The following PLXDC2 variants were observed in gnomAD, a reference collection of about 807,000 sequenced individuals.
PLXDC2 encodes plexin domain containing 2.
In PLXDC2, 40 loss-of-function variants were observed where a neutral mutation model predicts 68.9. The observed-to-expected ratio is 0.58, with a 90% CI of 0.45 to 0.76. PLXDC2 has a LOEUF of 0.76. Ranked by LOEUF, PLXDC2 falls within the 30% of genes least tolerant of loss-of-function variation. The probability of loss-of-function intolerance (pLI) is 0.00; values close to 1 mark genes in which losing one functional copy is unlikely to be tolerated. For synonymous variants in PLXDC2, 243 were observed against 234.2 expected (o/e 1.04, Z -0.34); for missense variants, 644 against 661.9 (o/e 0.97, Z 0.30).
chr10:20,030,783 G>T (rs1835490009), intron 2 of PLXDC2, among the ~76,000 whole-genome samples: 1 of 152,140 alleles, frequency 6.6e-6, no homozygotes, highest in Non-Finnish European at 1.5e-5. Context: ...ATAAAAAGGT[G>T]TGGGTTTCTG....
chr10:20,107,011 G>T (rs981360390), intron 4 of PLXDC2, among the ~76,000 whole-genome samples: 1 of 148,506 alleles, frequency 6.7e-6, no homozygotes, highest in East Asian at 2.0e-4. Flanking sequence ...GACATGTAGT[G>T]TATACATATA....
intron 1 of PLXDC2, among the ~76,000 whole-genome samples, chr10:19,831,535 G>A (rs925588151): frequency 1.3e-5 from 2 of 152,030 alleles, no homozygotes; most frequent in Non-Finnish European, 2.9e-5. Context: ...TGTCACCCAG[G>A]TAGTAAGCTT....
chr10:20,023,022 C>A lies in PLXDC2; in HGVS notation c.324+21036C>A, dbSNP rs11011742. On this transcript the variant is annotated intron_variant, in intron 2 of 13. Coordinates refer to ENST00000377252, the MANE Select transcript of PLXDC2 (RefSeq NM_032812.9). ...CACTGGAGCCTGGATATTATTATAA[C>A]CCTCCCCCCGCAAAAAAAGGCTCTT... Among the ~76,000 whole-genome samples the A allele has an allele frequency of 5.7e-3, 853 of 150,746 alleles. 4 individuals carry two copies. Among genetic ancestry groups the A allele is most frequent in the African/African-American group, 0.02 (809 of 41,180 alleles).
chr10:20,025,827 T>A (rs1229551183), intron 2 of PLXDC2, among the ~76,000 whole-genome samples: 1 of 152,064 alleles, frequency 6.6e-6, no homozygotes, highest in African/African-American at 2.4e-5. Context: ...TTTTTTCACT[T>A]GTTTTCCCCT....
At chr10:20,266,622 G>A (rs888000863) in intron 13 of PLXDC2, among the ~76,000 whole-genome samples, 3 of 152,022 alleles carry the variant, frequency 2.0e-5, no homozygotes, top group Non-Finnish European at 2.9e-5. Flanking sequence ...GTAAATAACC[G>A]GAGATTAGGA....
intron 3 of PLXDC2, among the ~76,000 whole-genome samples, chr10:20,056,893 A>T (rs2131694759): frequency 6.6e-6 from 1 of 152,304 alleles, no homozygotes; most frequent in Admixed American, 6.5e-5. Context: ...TAAAGGCACG[A>T]GTGAGGCAAA....
chr10:20,024,008 G>T (rs1835356132), intron 2 of PLXDC2, among the ~76,000 whole-genome samples: 1 of 151,930 alleles, frequency 6.6e-6, no homozygotes, highest in Non-Finnish European at 1.5e-5. Context: ...TCAATATATT[G>T]ATTGATCTTA....
intron 4 of PLXDC2, among the ~76,000 whole-genome samples, chr10:20,118,415 G>A (rs532100907): frequency 3.9e-5 from 6 of 152,056 alleles, no homozygotes; most frequent in Non-Finnish European, 8.8e-5. Flanking sequence ...ACTGCAATCG[G>A]GGACAGATTA....
At chr10:20,164,790 G>A (rs1834352101) in intron 7 of PLXDC2, among the ~76,000 whole-genome samples, 2 of 152,146 alleles carry the variant, frequency 1.3e-5, no homozygotes, top group Non-Finnish European at 2.9e-5. Flanking sequence ...AGCCAAAAAT[G>A]TGTAATTTTG....
chr10:20,084,961 C>T (rs950573020), intron 4 of PLXDC2, among the ~76,000 whole-genome samples: 1 of 151,828 alleles, frequency 6.6e-6, no homozygotes, highest in African/African-American at 2.4e-5. Flanking sequence ...AATATGATCT[C>T]AGTGGCATCT....
At chr10:19,973,140 A>G (rs1257519846) in intron 1 of PLXDC2, among the ~76,000 whole-genome samples, 3 of 151,498 alleles carry the variant, frequency 2.0e-5, no homozygotes, top group South Asian at 2.1e-4. Context: ...AGCTGTGCCT[A>G]TGGTTAATTT....
intron 11 of PLXDC2, 142 bp from the exon 12 acceptor site, chr10:20,218,922 G>A: frequency 4.7e-6 from 4 of 850,364 alleles, no homozygotes; most frequent in Non-Finnish European, 7.1e-6. Context: ...TGCTCTCATT[G>A]CACTAGAAAT....
chr10:20,143,235 T>A, intron 4 of PLXDC2, 60 bp from the exon 5 acceptor site: 2 of 1,521,240 alleles, frequency 1.3e-6, no homozygotes, highest in Non-Finnish European at 8.9e-7. Flanking sequence ...GGAAGTATTT[T>A]AATCATAATT....
At chr10:20,012,175 G>C (rs1051931709) in intron 2 of PLXDC2, among the ~76,000 whole-genome samples, 4 of 151,828 alleles carry the variant, frequency 2.6e-5, no homozygotes, top group Non-Finnish European at 5.9e-5. Context: ...ATGAAAAGTT[G>C]TGTTTCTATT....
At position 19,947,212 on chromosome 10, in the gene PLXDC2, A is replaced by G. The variant is rs149849613; in HGVS notation, c.113-54563A>G. Among the ~76,000 whole-genome samples the G allele has an allele frequency of 1.2e-4, 19 of 152,316 alleles. No individual in the cohort carries two copies. In the East Asian group the frequency reaches 3.7e-3, roughly 29 times the overall value. ...AGAGCCTGTAGAAAAATGCAGCCCTATGGAAACTTTGATTTTATTTCAGTG... is the reference window on the plus strand; with the variant it reads ...AGAGCCTGTAGAAAAATGCAGCCCTGTGGAAACTTTGATTTTATTTCAGTG... On this transcript the variant is annotated intron_variant, in intron 1 of 13. Coordinates refer to ENST00000377252, the MANE Select transcript of PLXDC2 (RefSeq NM_032812.9).
chr10:20,056,111 T>G (rs78608795), intron 3 of PLXDC2, among the ~76,000 whole-genome samples: 5,852 of 152,274 alleles, frequency 0.038, 155 homozygotes, highest in South Asian at 0.067. Context: ...CTATGTAGTT[T>G]TGATAGTGAT....
At chr10:20,229,946 T>C (rs971078449) in intron 12 of PLXDC2, among the ~76,000 whole-genome samples, 1 of 152,068 alleles carries the variant, frequency 6.6e-6, no homozygotes, top group Non-Finnish European at 1.5e-5. Context: ...TGCAAAAACA[T>C]ACAGCTCAAA....
chr10:20,116,071 A>G (rs1833617046), intron 4 of PLXDC2, among the ~76,000 whole-genome samples: 1 of 152,210 alleles, frequency 6.6e-6, no homozygotes, highest in Non-Finnish European at 1.5e-5. Context: ...ATGTGGATTC[A>G]CGCTGCTCCT....
At chr10:20,103,159 A>G (rs566135116) in intron 4 of PLXDC2, among the ~76,000 whole-genome samples, 5 of 152,220 alleles carry the variant, frequency 3.3e-5, no homozygotes, top group Non-Finnish European at 5.9e-5. Flanking sequence ...AGGACCCACA[A>G]TACTTTTAGG....
Sources: gnomAD v4.1 joint callset for allele counts (sites outside exome capture counted in the v4.1 genomes callset) on GRCh38, gnomAD v4.1.1 for gene constraint, MANE v1.5 for transcripts, NCBI Gene and HGNC (gene_info 2026-07-23, HGNC 2026-07-21) for gene names.